Variants in DNM3 observed in about 807,000 individuals in gnomAD.
DNM3 encodes dynamin 3.
In DNM3, 47 loss-of-function variants were observed where a neutral mutation model predicts 101.6. That is an observed-to-expected ratio of 0.46 (90% confidence interval 0.37 to 0.59). The LOEUF is 0.59. DNM3 is among the 20% of genes least tolerant of loss of function. The pLI is 0.00. For missense variants in DNM3, 849 were observed against 1,085.7 expected (o/e 0.78, Z 3.06); for synonymous variants, 385 against 387.9 (o/e 0.99, Z 0.09).
chr1:172,231,918 A>C (rs1383255605), intron 14 of DNM3, among the ~76,000 whole-genome samples: 3 of 152,188 alleles, frequency 2.0e-5, no homozygotes, highest in Non-Finnish European at 4.4e-5. Flanking sequence ...AAACAAACAA[A>C]GCCTCCAAGA....
At chr1:172,188,219 A>G (rs1426859425) in intron 14 of DNM3, among the ~76,000 whole-genome samples, 1 of 152,128 alleles carries the variant, frequency 6.6e-6, no homozygotes, top group Non-Finnish European at 1.5e-5. Context: ...TTTCACAAGT[A>G]ATGAAACTGA....
chr1:171,999,366 G>C (rs772173357), intron 4 of DNM3, among the ~76,000 whole-genome samples: 1 of 152,170 alleles, frequency 6.6e-6, no homozygotes, highest in African/African-American at 2.4e-5. Context: ...AACAGGTTAA[G>C]TGGTTGTGTC....
At position 171,862,389 on chromosome 1, in the gene DNM3, A is replaced by G. The variant is rs191856228; in HGVS notation, c.161+20572A>G. 2.0e-3 allele frequency among the ~76,000 whole-genome samples: 307 copies of G among 152,330 alleles called. 5 individuals carry two copies. Among genetic ancestry groups the G allele is most frequent in the South Asian group, 0.019 (90 of 4,828 alleles). ...CAAAATGTGACATACATTGAATACAATGGAGTATTATTGAGCCATAAAAAG... is the reference window on the plus strand; with the variant it reads ...CAAAATGTGACATACATTGAATACAGTGGAGTATTATTGAGCCATAAAAAG... On this transcript the variant is annotated intron_variant, in intron 1 of 20. Coordinates refer to ENST00000627582, the MANE Select transcript of DNM3 (RefSeq NM_015569.5).
At chr1:172,111,490 T>C (rs746514504) in intron 13 of DNM3, among the ~76,000 whole-genome samples, 4 of 152,244 alleles carry the variant, frequency 2.6e-5, no homozygotes, top group Non-Finnish European at 5.9e-5. Context: ...ATTTACAAAA[T>C]CTATTTGAAT....
chr1:171,842,837 T>C (rs927745227), intron 1 of DNM3, among the ~76,000 whole-genome samples: 2 of 152,256 alleles, frequency 1.3e-5, no homozygotes, highest in South Asian at 2.1e-4. Context: ...GTTACCTTAA[T>C]GGCCTTGCCT....
intron 14 of DNM3, among the ~76,000 whole-genome samples, chr1:172,233,555 C>T (rs528377878): frequency 0.013 from 1,906 of 152,274 alleles, 35 homozygotes; most frequent in African/African-American, 0.043. Context: ...CCAGCATCAT[C>T]CTGATACCAA....
At position 172,388,743 on chromosome 1, in the gene DNM3, G is replaced by C; in HGVS notation, c.2456G>C (p.Ser819Thr). The change falls in exon 20 of 21, where the codon AGT (serine) becomes ACT (threonine). Residue 819 changes from serine to threonine, a missense_variant. Physicochemically the swap from Ser to Thr is moderately conservative, Grantham distance 58. Coordinates refer to ENST00000627582, the MANE Select transcript of DNM3 (RefSeq NM_015569.5). ...CCATTACCTCCTTTCCCCAGCAGCA[G>C]TGACTCCTTCGGAGCCCCTCCACAA... is the stretch of plus-strand genomic sequence containing the variant. The part of the protein sequence containing the change: ...PGPLPPFPSS[S>T]DSFGAPPQVP... 6.2e-7 allele frequency: 1 copy of C among 1,612,422 alleles called. No homozygotes were observed.
At chr1:172,195,421 TCTTGA>T (rs1017905190) in intron 14 of DNM3, among the ~76,000 whole-genome samples, 1 of 151,862 alleles carries the variant, frequency 6.6e-6, no homozygotes, top group Non-Finnish European at 1.5e-5. Context: ...TATTTCCTTT[TCTTGA>T]CTTATGGCAT....
chr1:172,135,564 T>C (rs1204328409), intron 14 of DNM3, among the ~76,000 whole-genome samples: 2 of 152,138 alleles, frequency 1.3e-5, no homozygotes, highest in Admixed American at 1.3e-4. Flanking sequence ...ACTTCCTGGA[T>C]TGAAAATCAT....
At chr1:172,145,843 A>G (rs893678369) in intron 14 of DNM3, among the ~76,000 whole-genome samples, 3 of 152,168 alleles carry the variant, frequency 2.0e-5, no homozygotes, top group Non-Finnish European at 4.4e-5. Context: ...GGTTAACTAA[A>G]TCTGTTGAAA....
intron 15 of DNM3, among the ~76,000 whole-genome samples, chr1:172,291,948 C>G (rs1224399583): frequency 2.0e-5 from 3 of 152,082 alleles, no homozygotes; most frequent in African/African-American, 7.2e-5. Flanking sequence ...ATTCAGACAT[C>G]TGAGCAAACT....
chr1:171,982,027 A>G (rs1231835998), intron 2 of DNM3, among the ~76,000 whole-genome samples: 1 of 152,200 alleles, frequency 6.6e-6, no homozygotes, highest in Non-Finnish European at 1.5e-5. Flanking sequence ...TCATGTGCCC[A>G]ACTATGAAGC....
At chr1:172,047,957 C>A (rs982065946) in intron 9 of DNM3, among the ~76,000 whole-genome samples, 18 of 152,038 alleles carry the variant, frequency 1.2e-4, no homozygotes, top group Admixed American at 3.3e-4. Flanking sequence ...TTTGAGTAAT[C>A]ATTTTTCATT....
intron 14 of DNM3, among the ~76,000 whole-genome samples, chr1:172,179,560 T>A (rs1028309085): frequency 6.6e-6 from 1 of 151,914 alleles, no homozygotes; most frequent in African/African-American, 2.4e-5. Flanking sequence ...AGCTTCTGTA[T>A]AACTTACATG....
intron 6 of DNM3, among the ~76,000 whole-genome samples, chr1:172,034,801 C>T (rs10218805): frequency 4.6e-5 from 7 of 151,764 alleles, no homozygotes; most frequent in East Asian, 1.9e-4. Flanking sequence ...TTTTCACTGT[C>T]GGGGGAAGGC....
chr1:171,946,470 G>A (rs898802040), intron 2 of DNM3, among the ~76,000 whole-genome samples: 4 of 152,094 alleles, frequency 2.6e-5, no homozygotes, highest in African/African-American at 9.7e-5. Flanking sequence ...GTCTATTTTG[G>A]TGTGGTGTGG....
chr1:172,331,894 C>G (rs2066202926), intron 17 of DNM3, among the ~76,000 whole-genome samples: 1 of 152,034 alleles, frequency 6.6e-6, no homozygotes. Context: ...TGTGTCAGTT[C>G]AGGGGAGAGA....
At chr1:172,129,545 G>A (rs541108851) in intron 13 of DNM3, among the ~76,000 whole-genome samples, 1 of 152,136 alleles carries the variant, frequency 6.6e-6, no homozygotes, top group African/African-American at 2.4e-5. Context: ...TGGCTGGGGA[G>A]GCCTCACAAT....
chr1:172,341,483 C>T (rs1259913786), intron 17 of DNM3, among the ~76,000 whole-genome samples: 2 of 152,150 alleles, frequency 1.3e-5, no homozygotes, highest in African/African-American at 4.8e-5. Flanking sequence ...CAACTTCAAG[C>T]TATACTGCAG....
Sources: gnomAD v4.1 joint callset for allele counts (sites outside exome capture counted in the v4.1 genomes callset) on GRCh38, gnomAD v4.1.1 for gene constraint, MANE v1.5 for transcripts, NCBI Gene and HGNC (gene_info 2026-07-23, HGNC 2026-07-21) for gene names.